ESPL1: variants seen among roughly 807,000 people sequenced by gnomAD.
ESPL1 encodes the protein separin.
ESPL1 carries 50 observed loss-of-function variants against 217.2 expected under a neutral mutation model. The observed-to-expected ratio is 0.23, with a 90% confidence interval of 0.18 to 0.29. The LOEUF is 0.29. Among genes scored for constraint, ESPL1 ranks in the 10% least tolerant of loss-of-function variants. The pLI is 1.00. For synonymous variants in ESPL1, 994 were observed against 1,081.3 expected (o/e 0.92, Z 1.58); for missense variants, 1,834 against 2,603.0 (o/e 0.70, Z 6.43).
rs1392488235 is a variant in ESPL1 at position 53,290,175 on chromosome 12, C to T, written c.5204C>T (p.Pro1735Leu). The T allele has an allele frequency of 6.2e-7, 1 of 1,614,008 alleles. No individual in the cohort carries two copies. Among genetic ancestry groups the T allele is most frequent in the Non-Finnish European group, 8.5e-7 (1 of 1,180,030 alleles). The change falls in exon 23 of 31, where the codon CCC becomes CTC. Residue 1735 changes from proline (P) to leucine (L), a missense_variant. Around this residue, in one of 5 missense-constraint regions of ESPL1, gnomAD observed 295 missense variants for 519.8 expected, o/e 0.57. Coordinates refer to ENST00000257934, the MANE Select transcript of ESPL1 (RefSeq NM_012291.5). ...CTGACCCGGCTGGAAAAGGACAGTC[C>T]CCCAGTCAGTGTGCAGATTCCCACT... The part of the protein sequence containing the change: ...LLLTRLEKDS[P>L]PVSVQIPTGQ...
intron 17 of ESPL1, among the ~76,000 whole-genome samples, chr12:53,284,415 C>T (rs1418974204): frequency 6.6e-6 from 1 of 151,982 alleles, no homozygotes; most frequent in Non-Finnish European, 1.5e-5. Context: ...CCACCACACC[C>T]GGATAATTTT....
In ESPL1 at chr12:53,292,378, G is replaced by T; in HGVS notation, c.5897G>T (p.Arg1966Leu). ...NNLSSTEEQF[R>L]ANFSSEAGWR... ...CTGTCAAGCACAGAGGAGCAATTTC[G>T]AGCCAATTTCAGCAGGTCAGGGGCG... The change falls in exon 28 of 31, where the codon CGA becomes CTA. Residue 1966 changes from arginine (R) to leucine (L), a missense_variant. Arg to Leu is a moderately radical substitution (Grantham distance 102, BLOSUM62 -2). Transcript: ENST00000257934. This position sits in a 1 kb window ranked among gnomAD's most constrained non-coding sequence, Gnocchi z 4.5. 1 of 1,613,542 alleles carries T rather than the reference G, an allele frequency of 6.2e-7. No individual in the cohort carries two copies. Among genetic ancestry groups the T allele is most frequent in the Non-Finnish European group, 8.5e-7 (1 of 1,179,530 alleles).
chr12:53,283,979 TG>T, intron 16 of ESPL1, 78 bp from the exon 17 acceptor site: 2 of 1,095,998 alleles, frequency 1.8e-6, no homozygotes, highest in Non-Finnish European at 2.8e-6. Context: ...TAGCTTGGCC[TG>T]GGAAAGAGGC....
Position 53,292,121 on chromosome 12 carries a change from T to A in ESPL1, c.5796+33T>A. 1 of 1,556,136 alleles carries A rather than the reference T, an allele frequency of 6.4e-7. No individual in the cohort carries two copies. The highest frequency in any genetic ancestry group is 8.9e-7 in the Non-Finnish European group (1 of 1,127,230). ...TCAGGGCGTAGTGTCTGGGGATGAC[T>A]GGCGACTGGGGAAGACGTCAACAAA... is the stretch of plus-strand genomic sequence containing the variant. On this transcript the variant is annotated intron_variant, in intron 27 of 30. Transcript: ENST00000257934. This position sits in a 1 kb window ranked among gnomAD's most constrained non-coding sequence, Gnocchi z 4.5.
chr12:53,293,329 C>T lies in ESPL1; in HGVS notation c.6218C>T (p.Thr2073Met), dbSNP rs113469395. The T allele has an allele frequency of 5.6e-3, 9,033 of 1,614,180 alleles. 50 individuals are homozygous for T. Among genetic ancestry groups the T allele is most frequent in the Middle Eastern group, 0.022 (133 of 6,062 alleles). Residue 2073 changes from threonine (T) to methionine (M), a missense_variant, in exon 31 of 31, where the codon ACG (threonine) becomes ATG (methionine). Physicochemically the swap from Thr to Met is moderately conservative, Grantham distance 81. This residue lies in a region of ESPL1 where 295 missense variants were observed against 519.8 expected (regional missense o/e 0.57). Transcript: ENST00000257934. This position sits in a 1 kb window ranked among gnomAD's most constrained non-coding sequence, Gnocchi z 4.2. Reference protein sequence around the residue: ...DVTDRDIDRYTEALLQGWLGA... With the variant: ...DVTDRDIDRYMEALLQGWLGA... ...ACTGACCGCGACATTGACCGCTACA[C>T]GGAAGCTCTGCTGCAAGGCTGGCTT...
chr12:53,272,104 A>T (rs868550642), intron 5 of ESPL1, among the ~76,000 whole-genome samples: 145 of 134,984 alleles, frequency 1.1e-3, no homozygotes, highest in Middle Eastern at 4.0e-3. Flanking sequence ...AAAAAAAAAA[A>T]TTTGTTGAGT....
chr12:53,282,210 G>T lies in ESPL1; in HGVS notation c.2620-54G>T. ...CCACGTAATCTCCAGGGCCTCTCAA[G>T]CTCTGGAGTGCCTGACTGCCTTACT... On this transcript the variant is annotated intron_variant, in intron 13 of 30. Coordinates refer to ENST00000257934, the MANE Select transcript of ESPL1 (RefSeq NM_012291.5). The surrounding 1 kb of genome is among the most constrained non-coding windows in gnomAD (Gnocchi z 4.0). The T allele has an allele frequency of 2.0e-6, 3 of 1,528,644 alleles. No individual in the cohort carries two copies. The Admixed American group carries it at 5.0e-5, about 26-fold the overall frequency. The allele number at this position is 1,528,644 out of a possible 1,614,324, so 94.7% of individuals were successfully genotyped here. A position where few individuals can be genotyped will look rare whatever the true frequency, so the allele number is the denominator to read the frequency against.
Position 53,290,993 on chromosome 12 carries a change from G to T in ESPL1, c.5517G>T (p.Leu1839=). The change falls in exon 25 of 31, where the codon CTG becomes CTT. Residue 1839 remains leucine, a synonymous_variant. Transcript: ENST00000257934. ...GGAAATATCCTGACCGCACTCTGCT[G>T]AAAGTGAGTGAGGAAAGCAGGGAAG... ...CGWKYPDRTL[L]KIMLSGAGAL... is the part of the protein sequence containing the mutation. 6.3e-7 allele frequency: 1 copy of T among 1,581,270 alleles called. No homozygotes were observed. The highest frequency in any genetic ancestry group is 8.6e-7 in the Non-Finnish European group (1 of 1,163,724).
At chr12:53,289,862 G>A in intron 22 of ESPL1, 1 of 608,550 alleles carries the variant, frequency 1.6e-6, no homozygotes, top group Non-Finnish European at 2.9e-6. Flanking sequence ...ATATTCACAT[G>A]ATTTGAGTGC....
chr12:53,279,641 A>ATCC (rs1555186607), intron 11 of ESPL1, 91 bp from the exon 12 acceptor site: 29 of 1,520,678 alleles, frequency 1.9e-5, no homozygotes, highest in Non-Finnish European at 2.6e-5. Context: ...AGGTCAAACT[A>ATCC]CAGTCCAAGG....
chr12:53,289,501 C>G lies in ESPL1; in HGVS notation c.5020C>G (p.Gln1674Glu), dbSNP rs1944015421. Residue 1674 changes from glutamine to glutamate, a missense_variant, in exon 22 of 31, where the codon CAG becomes GAG. Coordinates refer to ENST00000257934, the MANE Select transcript of ESPL1 (RefSeq NM_012291.5). ...TGGAGATGTCCCCCTGGCCCGCATC[C>G]AGCGCCTCTTTTCCTTCAGGGCTTT... is the stretch of plus-strand genomic sequence containing the variant. ...MPGDVPLARI[Q>E]RLFSFRALES... The G allele has an allele frequency of 1.2e-6, 2 of 1,614,214 alleles. No individual in the cohort carries two copies. The highest frequency in any genetic ancestry group is 1.7e-6 in the Non-Finnish European group (2 of 1,180,040).
At position 53,282,190 on chromosome 12, in the gene ESPL1, T is replaced by G. The variant is rs1943872970; in HGVS notation, c.2620-74T>G. ...CAGGGCCTTCAGGGATGGGGCCACG[T>G]AATCTCCAGGGCCTCTCAAGCTCTG... is the stretch of plus-strand genomic sequence containing the variant. On this transcript the variant is annotated intron_variant, in intron 13 of 30. Coordinates refer to ENST00000257934, the MANE Select transcript of ESPL1 (RefSeq NM_012291.5). The surrounding 1 kb of genome is among the most constrained non-coding windows in gnomAD (Gnocchi z 4.0). 6.1e-6 allele frequency: 8 copies of G among 1,311,668 alleles called. No individual in the cohort carries two copies. In the South Asian group the frequency reaches 9.7e-5, roughly 16 times the overall value. The allele number at this position is 1,311,668 out of a possible 1,614,324, so 81.3% of individuals were successfully genotyped here. A position where few individuals can be genotyped will look rare whatever the true frequency, so the allele number is the denominator to read the frequency against.
In ESPL1 at chr12:53,289,027, A is replaced by G. The variant is rs546474461; in HGVS notation, c.4709-63A>G. On this transcript the variant is annotated intron_variant, in intron 20 of 30. Coordinates refer to ENST00000257934, the MANE Select transcript of ESPL1 (RefSeq NM_012291.5). ...TGAGATAGGGACTGTTCCTTCTTGG[A>G]AAGTTCCTATCAACTATGAAATAAG... 7.5e-6 allele frequency: 10 copies of G among 1,324,902 alleles called. No individual in the cohort carries two copies. The Admixed American group carries it at 1.2e-4, about 16-fold the overall frequency. The allele number at this position is 1,324,902 out of a possible 1,614,324, so 82.1% of individuals were successfully genotyped here.
At position 53,282,363 on chromosome 12, in the gene ESPL1, C is replaced by T. The variant is rs376690308; in HGVS notation, c.2719C>T (p.Leu907=). 6.2e-7 allele frequency: 1 copy of T among 1,614,072 alleles called. No individual in the cohort carries two copies. Among genetic ancestry groups the T allele is most frequent in the African/African-American group, 1.3e-5 (1 of 74,944 alleles). Residue 907 remains leucine, a synonymous_variant, in exon 14 of 31, where the codon CTG becomes TTG. Coordinates refer to ENST00000257934, the MANE Select transcript of ESPL1 (RefSeq NM_012291.5). This position sits in a 1 kb window ranked among gnomAD's most constrained non-coding sequence, Gnocchi z 4.0. ...CTTGCTGCGTGTCCAGGTCCTGCAG[C>T]TGGTGGCAGCTTACCTTAGCCTCCC... is the stretch of plus-strand genomic sequence containing the variant. ...WYLLRVQVLQ[L]VAAYLSLPSN...
rs1253201641 is a variant in ESPL1, at chr12:53,270,660, C to A, written c.1249-18C>A. The stretch of plus-strand genomic sequence containing the variant: ...CCCAGCATGACTCCTCACTCTCAAA[C>A]CCTTCTTGTCCCTTCAGATAGTTGA... On this transcript the variant is annotated intron_variant, in intron 4 of 30. Coordinates refer to ENST00000257934, the MANE Select transcript of ESPL1 (RefSeq NM_012291.5). The A allele has an allele frequency of 6.2e-7, 1 of 1,613,924 alleles. No individual in the cohort carries two copies. Among genetic ancestry groups the A allele is most frequent in the Non-Finnish European group, 8.5e-7 (1 of 1,179,970 alleles).
Position 53,282,225 on chromosome 12 carries a change from A to G in ESPL1, c.2620-39A>G. ...GGCCTCTCAAGCTCTGGAGTGCCTGACTGCCTTACTGCCTCCTCTGGCTCC... is the reference window on the plus strand; with the variant it reads ...GGCCTCTCAAGCTCTGGAGTGCCTGGCTGCCTTACTGCCTCCTCTGGCTCC... On this transcript the variant is annotated intron_variant, in intron 13 of 30. Transcript: ENST00000257934. This position sits in a 1 kb window ranked among gnomAD's most constrained non-coding sequence, Gnocchi z 4.0. 1 of 1,594,960 alleles carries G rather than the reference A, an allele frequency of 6.3e-7. No individual in the cohort carries two copies. Among genetic ancestry groups the G allele is most frequent in the African/African-American group, 1.3e-5 (1 of 74,660 alleles).
chr12:53,286,073 G>T lies in ESPL1; in HGVS notation c.3337G>T (p.Ala1113Ser). Residue 1113 changes from alanine to serine, a missense_variant, in exon 18 of 31, where the codon GCC becomes TCC. Physicochemically the swap from Ala to Ser is moderately conservative, Grantham distance 99. Coordinates refer to ENST00000257934, the MANE Select transcript of ESPL1 (RefSeq NM_012291.5). This position sits in a 1 kb window ranked among gnomAD's most constrained non-coding sequence, Gnocchi z 5.3. ...GPALELVATV[A>S]KEPGPIAPST... ...TGCTCTAGAGCTGGTGGCCACTGTG[G>T]CCAAGGAGCCTGGCCCCATAGCACC... The T allele has an allele frequency of 6.2e-7, 1 of 1,611,298 alleles. No homozygotes were observed. The highest frequency in any genetic ancestry group is 1.1e-5 in the South Asian group (1 of 91,032).
chr12:53,270,878 G>T, intron 5 of ESPL1, 80 bp downstream of exon 5: 1 of 1,512,322 alleles, frequency 6.6e-7, no homozygotes, highest in Non-Finnish European at 9.0e-7. Flanking sequence ...TTGCTGCGTG[G>T]TTCTGACCAC....
At position 53,273,836 on chromosome 12, in the gene ESPL1, G is replaced by GT. The variant is rs71096001; in HGVS notation, c.1507-951dup. On this transcript the variant is annotated intron_variant, in intron 6 of 30. Transcript: ENST00000257934. ...GAGAACCTGGGTTCTTGGTTTTTTG[G>GT]TTTTTTTTTTTTTTTTTTTTTTTTT... Among the ~76,000 whole-genome samples, 598 of 63,172 alleles carry GT rather than the reference G, an allele frequency of 9.5e-3. 40 individuals are homozygous for GT. Among genetic ancestry groups the GT allele is most frequent in the Non-Finnish European group, 0.013 (496 of 37,912 alleles). The allele number at this position is 63,172 out of a possible 152,430, so 41.4% of individuals were successfully genotyped here.
Sources: allele counts gnomAD v4.1 joint callset (sites outside exome capture counted in the v4.1 genomes callset), GRCh38; gene constraint gnomAD v4.1.1; regional missense constraint gnomAD v4.1.1; non-coding constraint Gnocchi (gnomAD v3.1); transcripts MANE v1.5; gene names NCBI Gene and HGNC (gene_info 2026-07-23, HGNC 2026-07-21).